Variants in KAZN observed in about 807,000 individuals in gnomAD.
KAZN encodes kazrin.
Under a neutral mutation model 87.4 loss-of-function variants are expected in KAZN, and 40 were observed. The observed-to-expected ratio is 0.46, with a 90% CI of 0.36 to 0.60. KAZN has a LOEUF of 0.60. Among genes scored for constraint, KAZN ranks in the 20% least tolerant of loss-of-function variants. KAZN has a pLI of 0.00. For synonymous variants in KAZN, 466 were observed against 458.3 expected (o/e 1.02, Z -0.22); for missense variants, 898 against 1,073.9 (o/e 0.84, Z 2.29).
chr1:14,629,284 A>G (rs1040623296), intron 1 of KAZN, among the ~76,000 whole-genome samples: 1 of 152,156 alleles, frequency 6.6e-6, no homozygotes, highest in African/African-American at 2.4e-5. Context: ...ATTGTAAGAA[A>G]CATGTTTTTC....
chr1:15,029,841 A>G (rs951048342), intron 2 of KAZN, among the ~76,000 whole-genome samples: 1 of 152,104 alleles, frequency 6.6e-6, no homozygotes, highest in African/African-American at 2.4e-5. Context: ...TCCCCCAGGG[A>G]GCCCATGCGA....
At chr1:15,073,984 C>A (rs767857650) in intron 8 of KAZN, among the ~76,000 whole-genome samples, 1 of 152,214 alleles carries the variant, frequency 6.6e-6, no homozygotes, top group Non-Finnish European at 1.5e-5. Flanking sequence ...GTCTTCTTCA[C>A]CCAGAAGCCC....
intron 2 of KAZN, among the ~76,000 whole-genome samples, chr1:14,485,010 T>C (rs553674986): frequency 4.7e-4 from 72 of 152,080 alleles, no homozygotes; most frequent in African/African-American, 1.6e-3. Flanking sequence ...AATGAAGAGG[T>C]TGTGCAAACT....
intron 1 of KAZN, among the ~76,000 whole-genome samples, chr1:14,837,038 T>C (rs1647329541): frequency 6.6e-6 from 1 of 152,208 alleles, no homozygotes; most frequent in African/African-American, 2.4e-5. Flanking sequence ...GTTGTCTTTC[T>C]CATTTCTTTG....
chr1:14,805,789 T>G (rs367946671), intron 1 of KAZN, among the ~76,000 whole-genome samples: 1 of 145,560 alleles, frequency 6.9e-6, no homozygotes, highest in Non-Finnish European at 1.5e-5. Flanking sequence ...ATAATAATAA[T>G]AATAATAATA....
intron 1 of KAZN, among the ~76,000 whole-genome samples, chr1:14,604,235 C>T (rs966723650): frequency 2.0e-5 from 3 of 152,124 alleles, no homozygotes; most frequent in African/African-American, 7.2e-5. Flanking sequence ...TGCCTTGGTG[C>T]CTTGAATTGC....
At chr1:14,988,261 G>A (rs1265992379) in intron 2 of KAZN, among the ~76,000 whole-genome samples, 2 of 152,228 alleles carry the variant, frequency 1.3e-5, no homozygotes, top group African/African-American at 4.8e-5. Context: ...TGCACCATCA[G>A]CCCCATCTCT....
intron 1 of KAZN, among the ~76,000 whole-genome samples, chr1:14,852,397 G>C (rs988635753): frequency 6.6e-6 from 1 of 152,230 alleles, no homozygotes; most frequent in African/African-American, 2.4e-5. Flanking sequence ...GCCATGCGGC[G>C]ATCAGACGGT....
chr1:14,026,224 G>A (rs1376058772), intron 1 of KAZN, among the ~76,000 whole-genome samples: 1 of 152,084 alleles, frequency 6.6e-6, no homozygotes, highest in African/African-American at 2.4e-5. Flanking sequence ...AGAGCTCAGG[G>A]ATTTTTGTCT....
intron 2 of KAZN, among the ~76,000 whole-genome samples, chr1:14,405,322 G>A (rs1222999886): frequency 6.6e-6 from 1 of 152,194 alleles, no homozygotes; most frequent in Non-Finnish European, 1.5e-5. Flanking sequence ...AGCGGGGAAG[G>A]AAATGTATGA....
intron 4 of KAZN, among the ~76,000 whole-genome samples, chr1:15,055,772 T>G (rs920847069): frequency 1.3e-5 from 2 of 152,196 alleles, no homozygotes; most frequent in Non-Finnish European, 2.9e-5. Flanking sequence ...GGCCAGGCCC[T>G]GGCACAGTTC....
intron 1 of KAZN, among the ~76,000 whole-genome samples, chr1:14,736,297 G>GTA (rs1310803391): frequency 3.3e-4 from 31 of 93,790 alleles, no homozygotes; most frequent in African/African-American, 1.1e-3. Context: ...GTGTGTGTGT[G>GTA]TGTATATTTT....
At chr1:14,457,678 G>A (rs952956223) in intron 2 of KAZN, among the ~76,000 whole-genome samples, 3 of 152,138 alleles carry the variant, frequency 2.0e-5, no homozygotes, top group African/African-American at 7.2e-5. Flanking sequence ...TGAATTTATA[G>A]ATTAAGGAGG....
chr1:14,677,006 AGCTAT>A (rs201755058), intron 1 of KAZN, among the ~76,000 whole-genome samples: 5,340 of 152,282 alleles, frequency 0.035, 118 homozygotes, highest in Middle Eastern at 0.082. Context: ...GGACTGAGTA[AGCTAT>A]AGGATCCATA....
chr1:14,687,441 G>A (rs549061256), intron 1 of KAZN, among the ~76,000 whole-genome samples: 1 of 152,318 alleles, frequency 6.6e-6, no homozygotes, highest in Admixed American at 6.5e-5. Context: ...TAGTAAAGAA[G>A]GATATGCATA....
intron 1 of KAZN, among the ~76,000 whole-genome samples, chr1:14,031,683 T>G (rs1288229648): frequency 1.3e-5 from 2 of 152,256 alleles, no homozygotes; most frequent in Non-Finnish European, 2.9e-5. Flanking sequence ...TCCCACGTTG[T>G]AATTTTGATA....
intron 1 of KAZN, among the ~76,000 whole-genome samples, chr1:14,061,233 G>A (rs1458423297): frequency 6.6e-6 from 1 of 152,206 alleles, no homozygotes; most frequent in Non-Finnish European, 1.5e-5. Flanking sequence ...AGGCAGAGGA[G>A]AGACCCCTAT....
At chr1:14,029,044 G>A (rs1169714524) in intron 1 of KAZN, among the ~76,000 whole-genome samples, 5 of 150,700 alleles carry the variant, frequency 3.3e-5, no homozygotes, top group Non-Finnish European at 7.4e-5. Flanking sequence ...CTGAGGAATC[G>A]CCACACTGAC....
intron 1 of KAZN, among the ~76,000 whole-genome samples, chr1:14,863,376 C>T (rs1465106868): frequency 6.6e-6 from 1 of 152,196 alleles, no homozygotes; most frequent in African/African-American, 2.4e-5. Flanking sequence ...TGCCAGGTTT[C>T]TGCTGTGTTG....
Sources: allele counts gnomAD v4.1 joint callset (sites outside exome capture counted in the v4.1 genomes callset), GRCh38; gene constraint gnomAD v4.1.1; transcripts MANE v1.5; gene names NCBI Gene and HGNC (gene_info 2026-07-23, HGNC 2026-07-21).